The following SEMA6D variants were observed in gnomAD, a reference collection of about 807,000 sequenced individuals.
SEMA6D encodes semaphorin-6D.
In SEMA6D, 35 loss-of-function variants were observed where a neutral mutation model predicts 106.6. That is an observed-to-expected ratio of 0.33 (90% CI 0.25 to 0.44). The LOEUF is 0.44. Ranked by LOEUF, SEMA6D falls within the 20% of genes least tolerant of loss-of-function variation. The probability of loss-of-function intolerance (pLI) is 1.00; values close to 1 mark genes in which losing one functional copy is unlikely to be tolerated. For synonymous variants in SEMA6D, 499 were observed against 487.7 expected, an observed-to-expected ratio of 1.02 and a Z score of -0.31; for missense variants, 1,185 against 1,345.9, an observed-to-expected ratio of 0.88 and a Z score of 1.87.
chr15:47,412,198 C>T (rs928450440), intron 1 of SEMA6D, among the ~76,000 whole-genome samples: 1 of 151,808 alleles, frequency 6.6e-6, no homozygotes, highest in Non-Finnish European at 1.5e-5. Context: ...TAATCAGTCT[C>T]ATAGTTAGGG....
chr15:47,766,093 G>C lies in SEMA6D; in HGVS notation c.1569-12G>C. ...AGAAAATCCAAGTTACATTCTGTTT[G>C]GTTTTACACAGGTCTTGTATTGCAT... is the stretch of plus-strand genomic sequence containing the variant. On this transcript the variant is annotated splice_polypyrimidine_tract_variant and intron_variant, in intron 14 of 18. Transcript: ENST00000536845. 6.2e-7 allele frequency: 1 copy of C among 1,613,456 alleles called. No homozygotes were observed. Among genetic ancestry groups the C allele is most frequent in the East Asian group, 2.2e-5 (1 of 44,842 alleles).
Position 47,563,234 on chromosome 15 carries a change from G to C in SEMA6D, c.-86-37631G>C, listed in dbSNP as rs370680687. Reference sequence around the variant, plus strand: ...TCAAGGAAATTTTATTGTGTGATGGGCATGTCCAAAATCTGGATTGTAATG... The same window carrying C: ...TCAAGGAAATTTTATTGTGTGATGGCCATGTCCAAAATCTGGATTGTAATG... On this transcript the variant is annotated intron_variant, in intron 3 of 19. Coordinates refer to the SEMA6D transcript ENST00000558014. 2.0e-5 allele frequency among the ~76,000 whole-genome samples: 3 copies of C among 152,096 alleles called. No homozygotes were observed. The East Asian group carries it at 5.8e-4, about 29-fold the overall frequency.
At chr15:47,659,159 A>G (rs544384154) in intron 4 of SEMA6D, among the ~76,000 whole-genome samples, 1 of 152,184 alleles carries the variant, frequency 6.6e-6, no homozygotes, top group South Asian at 2.1e-4. Context: ...TAGTCAGAGC[A>G]TTTCCAAAAT....
At chr15:47,733,209 T>G (rs2080241952) in intron 1 of SEMA6D, among the ~76,000 whole-genome samples, 1 of 152,180 alleles carries the variant, frequency 6.6e-6, no homozygotes, top group Non-Finnish European at 1.5e-5. Context: ...TTCTTATCAC[T>G]TAATGAAATA....
intron 4 of SEMA6D, chr15:47,605,331 G>A (rs1566928739): frequency 6.6e-6 from 1 of 152,198 alleles, no homozygotes; most frequent in Non-Finnish European, 1.5e-5. Context: ...CATGGCATCA[G>A]ATTTCTTCCA....
intron 4 of SEMA6D, among the ~76,000 whole-genome samples, chr15:47,607,677 C>A (rs1477637815): frequency 6.6e-6 from 1 of 152,234 alleles, no homozygotes; most frequent in African/African-American, 2.4e-5. Flanking sequence ...ATAAATCTTG[C>A]AAATGCGTAA....
At chr15:47,382,290 C>T (rs1343255032) in intron 1 of SEMA6D, among the ~76,000 whole-genome samples, 3 of 152,046 alleles carry the variant, frequency 2.0e-5, no homozygotes, top group African/African-American at 2.4e-5. Context: ...GGGCAGATCA[C>T]GAGGTCAGGA....
At chr15:47,691,816 ATGGAAAGTATACCTTCG>A (rs1390203488) in intron 4 of SEMA6D, among the ~76,000 whole-genome samples, 4 of 151,524 alleles carry the variant, frequency 2.6e-5, no homozygotes, top group African/African-American at 7.3e-5. Flanking sequence ...CCCAGCCCTC[ATGGAAAGTATACCTTCG>A]TGGAAGAAAA....
intron 1 of SEMA6D, among the ~76,000 whole-genome samples, chr15:47,402,575 AG>A (rs2040431935): frequency 6.6e-6 from 1 of 152,210 alleles, no homozygotes; most frequent in African/African-American, 2.4e-5. Context: ...GGGCGCTTTC[AG>A]GTTCTCTGCA....
chr15:47,408,940 T>C lies in SEMA6D; in HGVS notation c.-238-3453T>C, dbSNP rs1212569179. 3.3e-5 allele frequency among the ~76,000 whole-genome samples: 5 copies of C among 152,350 alleles called. No individual in the cohort carries two copies. The East Asian group carries it at 7.7e-4, about 24-fold the overall frequency. ...GTTCCCCACTGGACACTCATCTGCATGAGTGCAAGGACTCCGTCTGTTTTG... is the reference window on the plus strand; with the variant it reads ...GTTCCCCACTGGACACTCATCTGCACGAGTGCAAGGACTCCGTCTGTTTTG... On this transcript the variant is annotated intron_variant, in intron 1 of 19. Coordinates refer to the SEMA6D transcript ENST00000558014.
intron 3 of SEMA6D, among the ~76,000 whole-genome samples, chr15:47,500,644 G>A (rs1021438433): frequency 6.6e-6 from 1 of 152,144 alleles, no homozygotes; most frequent in Non-Finnish European, 1.5e-5. Flanking sequence ...TCTTACAGAG[G>A]TTCTGACATC....
intron 3 of SEMA6D, among the ~76,000 whole-genome samples, chr15:47,519,316 A>C (rs562861178): frequency 3.3e-5 from 5 of 152,318 alleles, no homozygotes; most frequent in African/African-American, 1.2e-4. Flanking sequence ...TTGCAATACG[A>C]CATTTTGATA....
chr15:47,353,066 TG>T (rs2038391059), intron 1 of SEMA6D, among the ~76,000 whole-genome samples: 2 of 48,598 alleles, frequency 4.1e-5, no homozygotes, highest in Middle Eastern at 9.3e-3. Context: ...TAGTTTATTT[TG>T]TGTGTGTGTG....
intron 4 of SEMA6D, among the ~76,000 whole-genome samples, chr15:47,698,967 CTT>C (rs1303157605): frequency 6.6e-6 from 1 of 152,112 alleles, no homozygotes; most frequent in Non-Finnish European, 1.5e-5. Flanking sequence ...ATTCAATAAA[CTT>C]AAATTTAAAA....
chr15:47,726,685 T>C (rs1299439830), intron 1 of SEMA6D, among the ~76,000 whole-genome samples: 1 of 152,134 alleles, frequency 6.6e-6, no homozygotes, highest in Non-Finnish European at 1.5e-5. Context: ...CTCCTAGGGG[T>C]GTTGTGAGAC....
intron 1 of SEMA6D, among the ~76,000 whole-genome samples, chr15:47,320,178 G>A (rs928536909): frequency 2.6e-5 from 4 of 152,100 alleles, no homozygotes; most frequent in Non-Finnish European, 4.4e-5. Flanking sequence ...TCTGTTGCCT[G>A]TCTCTGACTG....
chr15:47,694,952 A>G lies in SEMA6D; in HGVS notation c.-54-64793A>G, dbSNP rs539574260. On this transcript the variant is annotated intron_variant, in intron 4 of 19. Coordinates refer to the SEMA6D transcript ENST00000558014. ...GAGAGGATCCGAAGCCCTGAACACCATAGGCATGTGAGCAGGGCATTGCGT... is the reference window on the plus strand; with the variant it reads ...GAGAGGATCCGAAGCCCTGAACACCGTAGGCATGTGAGCAGGGCATTGCGT... Among the ~76,000 whole-genome samples the G allele has an allele frequency of 1.0e-3, 154 of 152,328 alleles. 2 individuals are homozygous for G. The highest frequency in any genetic ancestry group is 3.6e-3 in the African/African-American group (151 of 41,584).
chr15:47,642,469 C>G (rs1194548240), intron 4 of SEMA6D, among the ~76,000 whole-genome samples: 3 of 152,110 alleles, frequency 2.0e-5, no homozygotes, highest in Non-Finnish European at 2.9e-5. Flanking sequence ...AGCTGCTGAG[C>G]ATACACTGTG....
intron 3 of SEMA6D, among the ~76,000 whole-genome samples, chr15:47,536,507 G>T (rs1376891641): frequency 6.6e-6 from 1 of 152,176 alleles, no homozygotes; most frequent in Non-Finnish European, 1.5e-5. Flanking sequence ...TTGGCTTCTA[G>T]ACTCAGACCG....
Sources: allele counts gnomAD v4.1 joint callset (sites outside exome capture counted in the v4.1 genomes callset), GRCh38; gene constraint gnomAD v4.1.1; transcripts MANE v1.5; gene names NCBI Gene and HGNC (gene_info 2026-07-23, HGNC 2026-07-21).